CTNNA3: variants seen among roughly 807,000 people sequenced by gnomAD.
The protein encoded by CTNNA3 is catenin alpha-3.
In CTNNA3, 76 loss-of-function variants were observed where a neutral mutation model predicts 95.7. That is an observed-to-expected ratio of 0.79 (90% CI 0.66 to 0.96). The LOEUF (loss-of-function observed/expected upper bound fraction) is 0.96. CTNNA3 is among the 40% of genes least tolerant of loss of function. The pLI is 0.00. For missense variants in CTNNA3, 1,191 were observed against 1,089.8 expected (o/e 1.09, Z -1.31); for synonymous variants, 431 against 374.4 (o/e 1.15, Z -1.74).
chr10:66,837,546 C>T (rs1589313636), intron 7 of CTNNA3: 1 of 152,162 alleles, frequency 6.6e-6, no homozygotes, highest in East Asian at 1.9e-4. Context: ...TGTTGGACCA[C>T]AGCCAGAACA....
chr10:66,720,124 A>G (rs558188277), intron 9 of CTNNA3, among the ~76,000 whole-genome samples: 1 of 152,122 alleles, frequency 6.6e-6, no homozygotes, highest in South Asian at 2.1e-4. Flanking sequence ...CTGATTTGAG[A>G]TGTCTCACGA....
At chr10:66,520,442 G>A (rs996356612) in intron 11 of CTNNA3, among the ~76,000 whole-genome samples, 175 bp downstream of exon 11, 2 of 151,146 alleles carry the variant, frequency 1.3e-5, no homozygotes, top group African/African-American at 2.4e-5. Context: ...AGTAGAGCGG[G>A]GGTTTCATCA....
At chr10:66,186,774 G>A (rs2086366213) in intron 13 of CTNNA3, among the ~76,000 whole-genome samples, 1 of 152,080 alleles carries the variant, frequency 6.6e-6, no homozygotes, top group East Asian at 1.9e-4. Flanking sequence ...GTGGGCAGCA[G>A]TAATCCCAAT....
chr10:67,250,183 ATTTGT>A (rs1866051818), intron 5 of CTNNA3, among the ~76,000 whole-genome samples: 1 of 151,626 alleles, frequency 6.6e-6, no homozygotes, highest in South Asian at 2.1e-4. Context: ...AAAAGACAGG[ATTTGT>A]GGGATATGAA....
intron 9 of CTNNA3, among the ~76,000 whole-genome samples, chr10:66,754,881 C>T (rs532530834): frequency 2.0e-5 from 3 of 152,268 alleles, no homozygotes; most frequent in African/African-American, 7.2e-5. Flanking sequence ...CCTGGCACCA[C>T]TGAAAAACAG....
chr10:66,515,187 G>C (rs555708542), intron 11 of CTNNA3, among the ~76,000 whole-genome samples: 18 of 152,058 alleles, frequency 1.2e-4, no homozygotes, highest in African/African-American at 4.3e-4. Context: ...TGTAGAGAGA[G>C]CTGATATTCT....
rs150122287 is a variant in CTNNA3, at chr10:67,742,924, C to T, written c.-2+20510G>A. Among the ~76,000 whole-genome samples, 1,075 of 151,398 alleles carry T rather than the reference C, an allele frequency of 7.1e-3. 24 individuals are homozygous for T. The highest frequency in any genetic ancestry group is 0.023 in the African/African-American group (942 of 41,398). ...TAGAAGAAATGGATAAATTCCTCTACGCATATATCCTCCCAAGACTAAACC... is the reference window on the plus strand; with the variant it reads ...TAGAAGAAATGGATAAATTCCTCTATGCATATATCCTCCCAAGACTAAACC... On this transcript the variant is annotated intron_variant, in intron 1 of 17. Transcript: ENST00000684154.
At chr10:65,976,005 C>T (rs2078202094) in intron 16 of CTNNA3, among the ~76,000 whole-genome samples, 1 of 152,050 alleles carries the variant, frequency 6.6e-6, no homozygotes, top group African/African-American at 2.4e-5. Flanking sequence ...ACACAACACC[C>T]ACAGTTTCAT....
chr10:66,942,458 A>T (rs1031298644), intron 7 of CTNNA3, among the ~76,000 whole-genome samples: 3 of 152,116 alleles, frequency 2.0e-5, no homozygotes, highest in Non-Finnish European at 4.4e-5. Flanking sequence ...TGTTTCTTCT[A>T]GTAATTCAAC....
chr10:67,281,455 T>C (rs1467203335), intron 5 of CTNNA3, among the ~76,000 whole-genome samples: 1 of 152,140 alleles, frequency 6.6e-6, no homozygotes, highest in African/African-American at 2.4e-5. Flanking sequence ...ACTAGAGAAA[T>C]TTATTTGATT....
intron 13 of CTNNA3, among the ~76,000 whole-genome samples, chr10:66,160,362 G>A (rs1344219586): frequency 6.6e-6 from 1 of 151,748 alleles, no homozygotes; most frequent in African/African-American, 2.4e-5. Flanking sequence ...AAATTCCAGA[G>A]GTTTTGTTAG....
chr10:66,347,882 G>A (rs1220043909), intron 12 of CTNNA3, among the ~76,000 whole-genome samples: 2 of 151,930 alleles, frequency 1.3e-5, no homozygotes, highest in African/African-American at 2.4e-5. Context: ...CGAGATAATC[G>A]AGATAATAGA....
At chr10:66,538,629 C>A (rs1841739581) in intron 10 of CTNNA3, among the ~76,000 whole-genome samples, 2 of 152,134 alleles carry the variant, frequency 1.3e-5, no homozygotes, top group Non-Finnish European at 2.9e-5. Flanking sequence ...TACTGACGAA[C>A]CTTTTAAATA....
At chr10:66,778,080 G>A (rs987413208) in intron 7 of CTNNA3, among the ~76,000 whole-genome samples, 1 of 152,056 alleles carries the variant, frequency 6.6e-6, no homozygotes, top group Non-Finnish European at 1.5e-5. Context: ...ACATTTCATT[G>A]TCTAGGCAAT....
At chr10:66,864,397 A>C (rs1346290331) in intron 7 of CTNNA3, among the ~76,000 whole-genome samples, 1 of 152,040 alleles carries the variant, frequency 6.6e-6, no homozygotes, top group Non-Finnish European at 1.5e-5. Flanking sequence ...TTCCCATGTA[A>C]TGACATAGTA....
chr10:67,478,442 G>C (rs912496006), intron 5 of CTNNA3, among the ~76,000 whole-genome samples: 2 of 152,144 alleles, frequency 1.3e-5, no homozygotes, highest in Non-Finnish European at 2.9e-5. Context: ...CTTCTCAGCA[G>C]AAAATTTGTA....
At chr10:67,244,982 G>A (rs1034812783) in intron 5 of CTNNA3, among the ~76,000 whole-genome samples, 2 of 152,096 alleles carry the variant, frequency 1.3e-5, no homozygotes, top group African/African-American at 4.8e-5. Flanking sequence ...CAGTCTGTCA[G>A]AAAATCCCAT....
chr10:65,988,825 G>A (rs759055268), intron 15 of CTNNA3, 28 bp from the exon 16 acceptor site: 1 of 1,525,272 alleles, frequency 6.6e-7, no homozygotes, highest in Admixed American at 1.7e-5. Context: ...TATGTTAGCT[G>A]TGGTGTTCAT....
intron 13 of CTNNA3, among the ~76,000 whole-genome samples, chr10:66,198,072 C>A (rs367698107): frequency 2.0e-5 from 3 of 152,232 alleles, no homozygotes; most frequent in African/African-American, 7.2e-5. Flanking sequence ...ACATCTGATT[C>A]TTCTGAGGAT....
Sources: allele counts gnomAD v4.1 joint callset (sites outside exome capture counted in the v4.1 genomes callset), GRCh38; gene constraint gnomAD v4.1.1; transcripts MANE v1.5; gene names NCBI Gene and HGNC (gene_info 2026-07-23, HGNC 2026-07-21).